The following DNAH5 variants were observed in gnomAD, a reference collection of about 807,000 sequenced individuals.
The protein encoded by DNAH5 is dynein axonemal heavy chain 5, also known as axonemal beta dynein heavy chain 5.
A neutral mutation model predicts 518.2 loss-of-function variants in DNAH5; 372 were observed. That is an observed-to-expected ratio of 0.72 (90% CI 0.66 to 0.78). The LOEUF (loss-of-function observed/expected upper bound fraction) is 0.78. Among genes scored for constraint, DNAH5 ranks in the 30% least tolerant of loss-of-function variants. The pLI is 0.00. For missense variants in DNAH5, 5,523 were observed against 5,687.0 expected (o/e 0.97, Z 0.93); for synonymous variants, 2,039 against 2,025.9 (o/e 1.01, Z -0.17).
chr5:13,872,076 A>C (rs1353024966), intron 22 of DNAH5, among the ~76,000 whole-genome samples: 1 of 152,158 alleles, frequency 6.6e-6, no homozygotes, highest in Non-Finnish European at 1.5e-5. Context: ...TTAGATCAAA[A>C]ACCACAGCTC....
chr5:13,876,348 A>G (rs1186577756), intron 22 of DNAH5, among the ~76,000 whole-genome samples: 1 of 152,238 alleles, frequency 6.6e-6, no homozygotes, highest in Non-Finnish European at 1.5e-5. Context: ...CAAATATGTT[A>G]GTATCACTGG....
chr5:13,722,678 T>G (rs971985694), intron 70 of DNAH5, among the ~76,000 whole-genome samples: 1 of 152,102 alleles, frequency 6.6e-6, no homozygotes, highest in Non-Finnish European at 1.5e-5. Context: ...CTCATGAGAG[T>G]GCAAAACACA....
rs1190449373 is a variant in DNAH5, at chr5:13,985,483, T to A, written c.12+26165A>T. ...TATATATATAAAGCAAAGATGCAGATCCTCCCAAGAGCTTCCAGAAAGATG... is the reference window on the plus strand; with the variant it reads ...TATATATATAAAGCAAAGATGCAGAACCTCCCAAGAGCTTCCAGAAAGATG... On this transcript the variant is annotated intron_variant, in intron 1 of 78. Coordinates refer to the DNAH5 transcript ENST00000681290. Among the ~76,000 whole-genome samples the A allele has an allele frequency of 5.0e-5, 7 of 140,474 alleles. No individual in the cohort carries two copies. In the Admixed American group the frequency reaches 5.1e-4, roughly 10 times the overall value. The allele number at this position is 140,474 out of a possible 152,430, so 92.2% of individuals were successfully genotyped here.
chr5:13,929,979 A>G (rs988854706), intron 2 of DNAH5, among the ~76,000 whole-genome samples: 3 of 152,164 alleles, frequency 2.0e-5, no homozygotes, highest in Non-Finnish European at 4.4e-5. Flanking sequence ...TATTATGAAG[A>G]TGGAAATGAA....
intron 47 of DNAH5, among the ~76,000 whole-genome samples, chr5:13,796,084 G>T (rs1757776931): frequency 6.6e-6 from 1 of 152,156 alleles, no homozygotes; most frequent in African/African-American, 2.4e-5. Flanking sequence ...CAAACCCACA[G>T]CCAATATCAT....
chr5:13,777,443 A>G (rs1427865602), intron 53 of DNAH5, 88 bp from the exon 54 acceptor site: 1 of 1,231,230 alleles, frequency 8.1e-7, no homozygotes, highest in East Asian at 2.4e-5. Context: ...CCATTTAGCT[A>G]ACAAAAAAAT....
intron 28 of DNAH5, 93 bp from the exon 29 acceptor site, chr5:13,862,840 T>TCA: frequency 2.6e-6 from 1 of 379,510 alleles, no homozygotes; most frequent in Non-Finnish European, 4.4e-6. Context: ...ACTATTTGCT[T>TCA]CATATATATA....
chr5:13,720,989 T>C lies in DNAH5; in HGVS notation c.12279+11A>G. The C allele has an allele frequency of 1.9e-6, 3 of 1,614,138 alleles. No individual in the cohort carries two copies. The highest frequency in any genetic ancestry group is 2.5e-6 in the Non-Finnish European group (3 of 1,179,966). On this transcript the variant is annotated intron_variant, in intron 71 of 78. Coordinates refer to ENST00000265104, the MANE Select transcript of DNAH5 (RefSeq NM_001369.3). ...AACAGCATGGCACAAAAGTAGACTA[T>C]TCAGCCTTACGTTCGCCATGGTCTG... is the stretch of plus-strand genomic sequence containing the variant.
At chr5:13,838,837 G>T (rs1237214816) in intron 35 of DNAH5, among the ~76,000 whole-genome samples, 1 of 151,984 alleles carries the variant, frequency 6.6e-6, no homozygotes, top group Non-Finnish European at 1.5e-5. Flanking sequence ...TACAAATGAG[G>T]GGACTGAATC....
intron 1 of DNAH5, 79 bp from the exon 2 acceptor site, chr5:13,931,323 G>A: frequency 3.8e-6 from 6 of 1,587,238 alleles, no homozygotes; most frequent in Non-Finnish European, 5.2e-6. Context: ...TCATACAATT[G>A]TTGTTTTTTC....
chr5:13,993,600 G>T (rs920854209), intron 1 of DNAH5, among the ~76,000 whole-genome samples: 3 of 152,172 alleles, frequency 2.0e-5, no homozygotes, highest in Non-Finnish European at 4.4e-5. Context: ...AGACATAATC[G>T]TAAGTATTTC....
At chr5:13,782,226 C>G (rs1164991503) in intron 52 of DNAH5, among the ~76,000 whole-genome samples, 15 of 152,188 alleles carry the variant, frequency 9.9e-5, no homozygotes, top group Non-Finnish European at 5.9e-5. Context: ...GGGAAGCTTC[C>G]TGAAGTCACT....
chr5:13,841,256 AC>A (rs2151860843), intron 33 of DNAH5, 126 bp from the exon 34 acceptor site: 6 of 763,256 alleles, frequency 7.9e-6, no homozygotes, highest in Admixed American at 2.5e-5. Context: ...CAACTTTGAT[AC>A]CTTTTTTCAT....
chr5:13,913,618 A>T, intron 11 of DNAH5, 125 bp downstream of exon 11: 2 of 1,131,000 alleles, frequency 1.8e-6, no homozygotes, highest in Admixed American at 2.5e-5. Context: ...TTAAAAGGCC[A>T]TGAGATTATT....
At chr5:13,695,535 T>C (rs923077166) in intron 78 of DNAH5, among the ~76,000 whole-genome samples, 1 of 152,168 alleles carries the variant, frequency 6.6e-6, no homozygotes, top group Non-Finnish European at 1.5e-5. Flanking sequence ...AGATTAACCA[T>C]GGGAATTCCC....
chr5:13,985,546 C>T (rs1347481787), intron 1 of DNAH5, among the ~76,000 whole-genome samples: 2 of 151,262 alleles, frequency 1.3e-5, no homozygotes, highest in East Asian at 3.9e-4. Flanking sequence ...GACTTGATTT[C>T]AGCCCAGAGA....
chr5:13,977,621 T>C (rs1782356370), intron 1 of DNAH5, among the ~76,000 whole-genome samples: 2 of 152,088 alleles, frequency 1.3e-5, no homozygotes, highest in Admixed American at 1.3e-4. Context: ...CTTGCCTCAC[T>C]GGTTCACTGC....
intron 38 of DNAH5, among the ~76,000 whole-genome samples, chr5:13,827,859 C>T (rs571005852): frequency 1.8e-4 from 27 of 152,146 alleles, no homozygotes; most frequent in African/African-American, 4.8e-4. Context: ...TGAGATCTGA[C>T]GGTTTTATAA....
intron 38 of DNAH5, among the ~76,000 whole-genome samples, chr5:13,825,041 C>G (rs1413957332): frequency 6.6e-6 from 1 of 152,052 alleles, no homozygotes; most frequent in Non-Finnish European, 1.5e-5. Context: ...GGTATATAGC[C>G]AAAAGAATTG....
Sources: allele counts gnomAD v4.1 joint callset (sites outside exome capture counted in the v4.1 genomes callset), GRCh38; gene constraint gnomAD v4.1.1; transcripts MANE v1.5; gene names NCBI Gene and HGNC (gene_info 2026-07-23, HGNC 2026-07-21).